Variants in MEF2C observed in about 807,000 individuals in gnomAD.
MEF2C encodes myocyte enhancer factor 2C, also known as myocyte-specific enhancer factor 2C.
A neutral mutation model predicts 50.5 loss-of-function variants in MEF2C; 6 were observed. The ratio of observed to expected loss-of-function variants is 0.12; its 90% CI spans 0.07 to 0.23. MEF2C has a LOEUF of 0.23. Ranked by LOEUF, MEF2C falls within the 10% of genes least tolerant of loss-of-function variation. The pLI is 1.00. For missense variants in MEF2C, 276 were observed against 605.0 expected, an observed-to-expected ratio of 0.46 and a Z score of 5.70; for synonymous variants, 183 against 228.0, an observed-to-expected ratio of 0.80 and a Z score of 1.78.
chr5:88,894,678 C>G (rs1354926152), intron 1 of MEF2C, among the ~76,000 whole-genome samples: 1 of 152,080 alleles, frequency 6.6e-6, no homozygotes, highest in Non-Finnish European at 1.5e-5. Context: ...TAAATTGACA[C>G]TAATTGAAGA....
intron 3 of MEF2C, among the ~76,000 whole-genome samples, chr5:88,764,755 C>T (rs540251380): frequency 2.8e-5 from 4 of 141,326 alleles, no homozygotes; most frequent in Non-Finnish European, 6.0e-5. Context: ...TTGCAGTGAG[C>T]CGAGATCACA....
chr5:88,891,565 G>A (rs976419566), intron 1 of MEF2C, among the ~76,000 whole-genome samples: 4 of 151,770 alleles, frequency 2.6e-5, no homozygotes, highest in Admixed American at 2.6e-4. Context: ...ACCACGCCCA[G>A]CTAATATTTT....
At chr5:88,881,128 T>C (rs1296094751) in intron 1 of MEF2C, 1 of 152,214 alleles carries the variant, frequency 6.6e-6, no homozygotes. Context: ...AGCCACCTAC[T>C]GTCTCTTTGA....
chr5:88,864,140 TTTTTTTTTTTG>T (rs1282126227), intron 1 of MEF2C, among the ~76,000 whole-genome samples: 3 of 52,386 alleles, frequency 5.7e-5, no homozygotes, highest in East Asian at 1.1e-3. Context: ...ATGTTTTCTG[TTTTTTTTTTTG>T]TTTTTTTTTT....
chr5:88,834,736 C>T (rs1027521847), intron 1 of MEF2C, among the ~76,000 whole-genome samples: 1 of 152,032 alleles, frequency 6.6e-6, no homozygotes. Context: ...ATGAATACTC[C>T]GTCACTGTGC....
intron 1 of MEF2C, among the ~76,000 whole-genome samples, chr5:88,852,220 A>C (rs528448892): frequency 1.4e-4 from 21 of 152,176 alleles, no homozygotes; most frequent in Non-Finnish European, 2.6e-4. Flanking sequence ...CCTTTAACTA[A>C]ATACTTTAAA....
chr5:88,759,958 T>C (rs2152653210), intron 4 of MEF2C, among the ~76,000 whole-genome samples: 1 of 152,388 alleles, frequency 6.6e-6, no homozygotes, highest in Admixed American at 6.5e-5. Flanking sequence ...TGTCCCCACA[T>C]ATCTGCACTT....
intron 1 of MEF2C, among the ~76,000 whole-genome samples, chr5:88,900,480 G>T (rs1835539491): frequency 1.3e-5 from 2 of 150,636 alleles, no homozygotes; most frequent in Admixed American, 6.6e-5. Context: ...TATTACCTTT[G>T]ATAATTTTTT....
Position 88,737,304 on chromosome 5 carries a change from G to A in MEF2C, c.638-5403C>T, listed in dbSNP as rs371956441. ...TTATCTACCATATATATGAAAGCCAGGAAATCATGTAAGTGCCCACCTACT... is the reference window on the plus strand; with the variant it reads ...TTATCTACCATATATATGAAAGCCAAGAAATCATGTAAGTGCCCACCTACT... On this transcript the variant is annotated intron_variant, in intron 6 of 10. Transcript: ENST00000504921. 526 of 985,276 alleles carry A rather than the reference G, an allele frequency of 5.3e-4. 8 individuals are homozygous for A. In the South Asian group the frequency reaches 0.021, roughly 40 times the overall value. The allele number at this position is 985,276 out of a possible 1,614,324, so 61.0% of individuals were successfully genotyped here. A position where few individuals can be genotyped will look rare whatever the true frequency, so the allele number is the denominator to read the frequency against.
At chr5:88,804,271 C>T (rs972859110) in intron 3 of MEF2C, among the ~76,000 whole-genome samples, 1 of 152,094 alleles carries the variant, frequency 6.6e-6, no homozygotes, top group African/African-American at 2.4e-5. Flanking sequence ...TGAGCTATTC[C>T]CTGGCAAGAG....
chr5:88,739,251 A>T (rs662230), intron 6 of MEF2C: 47 of 982,394 alleles, frequency 4.8e-5, no homozygotes, highest in Non-Finnish European at 5.6e-5. Flanking sequence ...AAGCAAATTG[A>T]CACAGGAAAA....
At chr5:88,880,678 G>T (rs1436434739) in intron 1 of MEF2C, among the ~76,000 whole-genome samples, 1 of 151,868 alleles carries the variant, frequency 6.6e-6, no homozygotes, top group Non-Finnish European at 1.5e-5. Flanking sequence ...AAAATTTCAG[G>T]TATCTTTTCC....
At position 88,746,952 on chromosome 5, in the gene MEF2C, A is replaced by G. The variant is rs73177738; in HGVS notation, c.637+2118T>C. On this transcript the variant is annotated intron_variant, in intron 6 of 10. Transcript: ENST00000504921. ...ATGCAATCAAGATATAATATTTATT[A>G]TCACCAGGGTGGAGTAATTCAGTAT... Among the ~76,000 whole-genome samples the G allele has an allele frequency of 5.2e-3, 798 of 152,348 alleles. 5 individuals carry two copies. Among genetic ancestry groups the G allele is most frequent in the African/African-American group, 0.019 (771 of 41,564 alleles).
chr5:88,871,096 G>A (rs752156028), intron 1 of MEF2C, among the ~76,000 whole-genome samples: 20 of 151,890 alleles, frequency 1.3e-4, no homozygotes, highest in Non-Finnish European at 2.2e-4. Flanking sequence ...AAGTTTTCTC[G>A]GATGCTCTGA....
At chr5:88,847,714 T>A (rs1409340454) in intron 1 of MEF2C, among the ~76,000 whole-genome samples, 2 of 151,590 alleles carry the variant, frequency 1.3e-5, no homozygotes, top group Non-Finnish European at 2.9e-5. Context: ...AAACACATGT[T>A]AAAAAAAAGG....
At chr5:88,886,298 G>C (rs1016158141), upstream of MEF2C, among the ~76,000 whole-genome samples, 1 of 152,104 alleles carries the variant, frequency 6.6e-6, no homozygotes, top group African/African-American at 2.4e-5. Flanking sequence ...AAATACTTCT[G>C]GACTTTTGGT....
chr5:88,834,075 TG>T (rs145773856), intron 1 of MEF2C, among the ~76,000 whole-genome samples: 9,068 of 152,180 alleles, frequency 0.06, 488 homozygotes, highest in East Asian at 0.2. Flanking sequence ...ATGACTGCCC[TG>T]GCTCACTGTA....
chr5:88,864,670 C>G (rs940810772), intron 1 of MEF2C, among the ~76,000 whole-genome samples: 4 of 152,182 alleles, frequency 2.6e-5, no homozygotes, highest in African/African-American at 9.6e-5. Context: ...TAGCTCAGCA[C>G]AGCCTTGAAG....
intron 4 of MEF2C, among the ~76,000 whole-genome samples, chr5:88,754,926 T>C (rs1194565674): frequency 4.6e-5 from 7 of 152,170 alleles, no homozygotes; most frequent in African/African-American, 1.7e-4. Flanking sequence ...CCCTGCCTCA[T>C]TTCCATGACG....
Sources: gnomAD v4.1 joint callset for allele counts (sites outside exome capture counted in the v4.1 genomes callset) on GRCh38, gnomAD v4.1.1 for gene constraint, MANE v1.5 for transcripts, NCBI Gene and HGNC (gene_info 2026-07-23, HGNC 2026-07-21) for gene names.